IQCM: variants seen among roughly 807,000 people sequenced by gnomAD.
IQCM encodes the protein IQ domain-containing protein M.
Under a neutral mutation model 57.6 loss-of-function variants are expected in IQCM, and 45 were observed. The observed-to-expected ratio is 0.78, with a 90% confidence interval of 0.62 to 1.00. The LOEUF is 1.00. IQCM is among the 50% of genes least tolerant of loss of function. The pLI is 0.00. For missense variants in IQCM, 468 were observed against 511.6 expected, an observed-to-expected ratio of 0.91 and a Z score of 0.82; for synonymous variants, 148 against 158.9, an observed-to-expected ratio of 0.93 and a Z score of 0.51.
At chr4:149,570,837 C>A (rs1346708589) in intron 9 of IQCM, among the ~76,000 whole-genome samples, 9 of 151,936 alleles carry the variant, frequency 5.9e-5, no homozygotes, top group Non-Finnish European at 1.5e-5. Flanking sequence ...ATGGGCAGAG[C>A]ATTCAAATAG....
At chr4:149,787,756 T>C (rs1772204834) in intron 2 of IQCM, among the ~76,000 whole-genome samples, 1 of 151,914 alleles carries the variant, frequency 6.6e-6, no homozygotes, top group Admixed American at 6.5e-5. Context: ...GGAAAACACC[T>C]CAAAACATTG....
chr4:149,759,052 C>G (rs1769260861), intron 2 of IQCM, among the ~76,000 whole-genome samples: 2 of 152,138 alleles, frequency 1.3e-5, no homozygotes, highest in African/African-American at 4.8e-5. Context: ...ACCACGATAT[C>G]CTTCAGTAGA....
At chr4:149,513,471 A>C (rs953776329) in intron 12 of IQCM, among the ~76,000 whole-genome samples, 2 of 152,234 alleles carry the variant, frequency 1.3e-5, no homozygotes, top group Admixed American at 1.3e-4. Context: ...TGTAATAAAT[A>C]ATGCAAGCTT....
chr4:149,724,789 T>A (rs191001274), intron 5 of IQCM, among the ~76,000 whole-genome samples: 1 of 152,196 alleles, frequency 6.6e-6, no homozygotes, highest in East Asian at 1.9e-4. Context: ...ATATATTATA[T>A]AGTACTACAT....
intron 7 of IQCM, among the ~76,000 whole-genome samples, chr4:149,625,991 CT>C (rs1756760539): frequency 6.6e-6 from 1 of 151,904 alleles, no homozygotes; most frequent in Non-Finnish European, 1.5e-5. Context: ...CTGTTTAATA[CT>C]TTTTGTGCTG....
At chr4:149,561,504 T>A (rs1750119849) in intron 10 of IQCM, among the ~76,000 whole-genome samples, 1 of 152,144 alleles carries the variant, frequency 6.6e-6, no homozygotes, top group Non-Finnish European at 1.5e-5. Flanking sequence ...TGCCTACATA[T>A]AATCAAATAC....
chr4:149,763,406 G>A (rs1769727632), intron 2 of IQCM, among the ~76,000 whole-genome samples: 1 of 151,968 alleles, frequency 6.6e-6, no homozygotes, highest in South Asian at 2.1e-4. Context: ...TGCAAAAGAT[G>A]GGACTTTAAA....
chr4:149,448,613 CAA>C (rs919117142), intron 12 of IQCM, among the ~76,000 whole-genome samples: 1 of 151,324 alleles, frequency 6.6e-6, no homozygotes, highest in Non-Finnish European at 1.5e-5. Flanking sequence ...AAAAAGAAGA[CAA>C]AAAATTTTTC....
chr4:149,352,781 AT>A (rs779882389), intron 13 of IQCM, among the ~76,000 whole-genome samples: 3 of 152,202 alleles, frequency 2.0e-5, no homozygotes, highest in Non-Finnish European at 4.4e-5. Flanking sequence ...ATTCATATAG[AT>A]TGGTTGTATA....
At chr4:149,501,565 C>A (rs1743241739) in intron 12 of IQCM, among the ~76,000 whole-genome samples, 1 of 152,080 alleles carries the variant, frequency 6.6e-6, no homozygotes, top group Non-Finnish European at 1.5e-5. Context: ...ACAGGGAAAT[C>A]TGCTCAACCA....
At chr4:149,624,300 C>T (rs1756612184) in intron 7 of IQCM, among the ~76,000 whole-genome samples, 1 of 152,030 alleles carries the variant, frequency 6.6e-6, no homozygotes, top group African/African-American at 2.4e-5. Flanking sequence ...ACAGAAAATC[C>T]TAAGAAATGG....
chr4:149,693,404 C>G (rs1297685914), intron 5 of IQCM, among the ~76,000 whole-genome samples: 1 of 152,128 alleles, frequency 6.6e-6, no homozygotes, highest in Non-Finnish European at 1.5e-5. Context: ...CAACATGTCC[C>G]TCTCACACAT....
chr4:149,597,093 A>G (rs1362477590), intron 8 of IQCM, among the ~76,000 whole-genome samples: 1 of 152,118 alleles, frequency 6.6e-6, no homozygotes, highest in African/African-American at 2.4e-5. Context: ...GAAACAAAAA[A>G]AATTATCAAA....
intron 2 of IQCM, among the ~76,000 whole-genome samples, chr4:149,757,249 C>T (rs1385186983): frequency 6.7e-6 from 1 of 149,878 alleles, no homozygotes; most frequent in Non-Finnish European, 1.5e-5. Context: ...CAAAGCGAGA[C>T]TCGTCTCAAA....
At chr4:149,803,053 A>G (rs1253344723) in intron 2 of IQCM, among the ~76,000 whole-genome samples, 1 of 152,014 alleles carries the variant, frequency 6.6e-6, no homozygotes, top group African/African-American at 2.4e-5. Flanking sequence ...CCTCAGACAG[A>G]TGCAGTAACT....
In IQCM at chr4:149,543,240, T is replaced by A. The variant is rs144976656; in HGVS notation, c.1228+5215A>T. On this transcript the variant is annotated intron_variant, in intron 12 of 13. Coordinates refer to ENST00000636793, the MANE Select transcript of IQCM (RefSeq NM_001363507.2). ...ACATCCATATGGCAGATTACTACTC[T>A]GTCAAAAATAACACTGTAAAACTTA... 2.0e-5 allele frequency among the ~76,000 whole-genome samples: 3 copies of A among 152,180 alleles called. No homozygotes were observed. The East Asian group carries it at 5.8e-4, about 29-fold the overall frequency.
chr4:149,711,669 C>T (rs1449672090), intron 5 of IQCM, among the ~76,000 whole-genome samples: 7 of 149,604 alleles, frequency 4.7e-5, no homozygotes, highest in Non-Finnish European at 9.0e-5. Context: ...CATTTTTGAA[C>T]TTTCATAAAA....
intron 5 of IQCM, among the ~76,000 whole-genome samples, chr4:149,719,385 C>T (rs1021877386): frequency 1.1e-4 from 16 of 151,436 alleles, no homozygotes; most frequent in Non-Finnish European, 2.2e-4. Context: ...AAGGTGTTTC[C>T]ATTAGACCTC....
At chr4:149,686,899 G>T (rs1296675637) in intron 5 of IQCM, among the ~76,000 whole-genome samples, 2 of 151,426 alleles carry the variant, frequency 1.3e-5, no homozygotes, top group Non-Finnish European at 3.0e-5. Context: ...AACACAAAGT[G>T]CTCCAGAAAT....
Sources: gnomAD v4.1 joint callset for allele counts (sites outside exome capture counted in the v4.1 genomes callset) on GRCh38, gnomAD v4.1.1 for gene constraint, MANE v1.5 for transcripts, NCBI Gene and HGNC (gene_info 2026-07-23, HGNC 2026-07-21) for gene names.